Variants in LYPLAL1 observed in about 807,000 individuals in gnomAD.
LYPLAL1 encodes lysophospholipase-like protein 1.
A neutral mutation model predicts 19.7 loss-of-function variants in LYPLAL1; 23 were observed. The observed-to-expected ratio is 1.17, with a 90% CI of 0.84 to 1.65. The LOEUF (loss-of-function observed/expected upper bound fraction) is 1.65. LYPLAL1 is among the 40% of genes most tolerant of loss of function. The pLI is 0.00. For synonymous variants in LYPLAL1, 119 were observed against 96.3 expected (o/e 1.24, Z -1.38); for missense variants, 355 against 279.4 (o/e 1.27, Z -1.93).
At chr1:219,326,960 G>A in the LYPLAL1 span, among the ~76,000 whole-genome samples, 4 of 152,186 alleles carry the variant, frequency 2.6e-5, no homozygotes, top group Admixed American at 6.5e-5. Flanking sequence ...GGGGCCGGGC[G>A]CAGTGGCTCA....
the LYPLAL1 span, among the ~76,000 whole-genome samples, chr1:219,253,763 G>A: frequency 2.0e-5 from 3 of 152,032 alleles, no homozygotes; most frequent in Admixed American, 6.6e-5. Flanking sequence ...TTGTTTTTGG[G>A]TGGAGAGTTC....
the LYPLAL1 span, among the ~76,000 whole-genome samples, chr1:219,352,046 T>C: frequency 2.2e-4 from 33 of 152,334 alleles, no homozygotes; most frequent in African/African-American, 5.3e-4. Context: ...TCCATTGATA[T>C]AACTATGGCT....
At chr1:219,174,486 C>G (rs1278529101) in intron 1 of LYPLAL1, among the ~76,000 whole-genome samples, 1 of 152,180 alleles carries the variant, frequency 6.6e-6, no homozygotes, top group Non-Finnish European at 1.5e-5. Context: ...TGTGCCATGG[C>G]TGGAGTGCTT....
At chr1:219,424,420 T>A in the LYPLAL1 span, among the ~76,000 whole-genome samples, 5 of 152,236 alleles carry the variant, frequency 3.3e-5, no homozygotes, top group Non-Finnish European at 7.3e-5. Flanking sequence ...GTTGGAGGAC[T>A]GAAAACCACA....
chr1:219,183,227 A>G (rs925181816), intron 2 of LYPLAL1, among the ~76,000 whole-genome samples: 1 of 152,092 alleles, frequency 6.6e-6, no homozygotes, highest in African/African-American at 2.4e-5. Context: ...GAGCATTTAA[A>G]TATCCTCAAA....
At chr1:219,359,584 A>G in the LYPLAL1 span, among the ~76,000 whole-genome samples, 3 of 152,226 alleles carry the variant, frequency 2.0e-5, no homozygotes, top group Non-Finnish European at 4.4e-5. Flanking sequence ...CATTTGCTAA[A>G]ACATGAGATG....
At chr1:219,229,327 G>GAGAGAGAGAGAGAGAGAGAGAGAGAC in the LYPLAL1 span, among the ~76,000 whole-genome samples, 1 of 114,750 alleles carries the variant, frequency 8.7e-6, no homozygotes, top group African/African-American at 2.7e-5. Flanking sequence ...GAGAGAGAGA[G>GAGAGAGAGAGAGAGAGAGAGAGAGAC]AGAGAGAGAG....
intron 2 of LYPLAL1, among the ~76,000 whole-genome samples, chr1:219,180,692 T>G (rs1656205703): frequency 6.6e-6 from 1 of 152,230 alleles, no homozygotes; most frequent in African/African-American, 2.4e-5. Context: ...CATTTCTACC[T>G]AAATATAAAT....
chr1:219,241,158 A>ATATATATATATATG, the LYPLAL1 span, among the ~76,000 whole-genome samples: 3 of 135,134 alleles, frequency 2.2e-5, no homozygotes, highest in African/African-American at 8.2e-5. Context: ...ATATATATAT[A>ATATATATATATATG]TATGGATTTT....
At chr1:219,195,387 T>TAGGAAAAGAAAAGATC (rs1289773507) in intron 3 of LYPLAL1, among the ~76,000 whole-genome samples, 2 of 151,880 alleles carry the variant, frequency 1.3e-5, no homozygotes, top group Non-Finnish European at 2.9e-5. Flanking sequence ...GTGGTGGCAA[T>TAGGAAAAGAAAAGATC]AGGAAAAGAA....
the LYPLAL1 span, among the ~76,000 whole-genome samples, chr1:219,356,128 G>A: frequency 6.6e-6 from 1 of 152,078 alleles, no homozygotes; most frequent in African/African-American, 2.4e-5. Context: ...TGAAAATCCA[G>A]CAATAAAAGG....
At chr1:219,191,134 C>CA (rs569751765) in intron 2 of LYPLAL1, among the ~76,000 whole-genome samples, 70 of 151,624 alleles carry the variant, frequency 4.6e-4, no homozygotes, top group Admixed American at 2.4e-3. Context: ...CTGCTGTGGG[C>CA]AAAAGGATAT....
chr1:219,414,826 T>G, the LYPLAL1 span, among the ~76,000 whole-genome samples: 1 of 152,180 alleles, frequency 6.6e-6, no homozygotes, highest in East Asian at 1.9e-4. Flanking sequence ...TGCTGAGTAT[T>G]CTGAGGGTTC....
the LYPLAL1 span, among the ~76,000 whole-genome samples, chr1:219,259,005 A>G: frequency 6.6e-6 from 1 of 151,390 alleles, no homozygotes; most frequent in Admixed American, 6.6e-5. Flanking sequence ...TAAGAAACAT[A>G]TGAAAATATG....
the LYPLAL1 span, among the ~76,000 whole-genome samples, chr1:219,252,493 G>T: frequency 2.0e-5 from 3 of 151,944 alleles, no homozygotes; most frequent in East Asian, 1.9e-4. Context: ...AACATGAAAG[G>T]GTGTGTTATA....
chr1:219,310,150 C>CA, the LYPLAL1 span, among the ~76,000 whole-genome samples: 1 of 152,092 alleles, frequency 6.6e-6, no homozygotes, highest in African/African-American at 2.4e-5. Context: ...ATCTATAAAC[C>CA]AAAGTGAGAT....
chr1:219,314,275 T>C, the LYPLAL1 span, among the ~76,000 whole-genome samples: 1 of 152,252 alleles, frequency 6.6e-6, no homozygotes, highest in Admixed American at 6.5e-5. Context: ...TGAATAATGC[T>C]GTGATGAATA....
At chr1:219,417,462 G>T in the LYPLAL1 span, among the ~76,000 whole-genome samples, 1 of 152,172 alleles carries the variant, frequency 6.6e-6, no homozygotes, top group African/African-American at 2.4e-5. Context: ...ATCTTTGAGG[G>T]CTATCATTCT....
chr1:219,340,483 G>A, the LYPLAL1 span, among the ~76,000 whole-genome samples: 2 of 151,998 alleles, frequency 1.3e-5, no homozygotes, highest in Non-Finnish European at 2.9e-5. Context: ...ATGGATGTGT[G>A]GGTGAGGGGA....
Sources: allele counts gnomAD v4.1 joint callset (sites outside exome capture counted in the v4.1 genomes callset), GRCh38; gene constraint gnomAD v4.1.1; transcripts MANE v1.5; gene names NCBI Gene and HGNC (gene_info 2026-07-23, HGNC 2026-07-21).